Variants in FGF10 observed in about 807,000 individuals in gnomAD.
FGF10 encodes the protein fibroblast growth factor 10, also known as FGF-10.
A neutral mutation model predicts 19.8 loss-of-function variants in FGF10; 2 were observed. The ratio of observed to expected loss-of-function variants is 0.10; its 90% CI spans 0.04 to 0.32. The LOEUF (loss-of-function observed/expected upper bound fraction) is 0.32. Among genes scored for constraint, FGF10 ranks in the 10% least tolerant of loss-of-function variants. FGF10 has a pLI of 1.00. For missense variants in FGF10, 191 were observed against 246.3 expected, an observed-to-expected ratio of 0.78 and a Z score of 1.50; for synonymous variants, 112 against 94.0, an observed-to-expected ratio of 1.19 and a Z score of -1.10.
At chr5:44,319,830 G>A (rs1740440780) in intron 1 of FGF10, among the ~76,000 whole-genome samples, 1 of 152,144 alleles carries the variant, frequency 6.6e-6, no homozygotes, top group Non-Finnish European at 1.5e-5. Context: ...ATATATTTAT[G>A]TAACTCAGGG....
chr5:44,362,466 A>G (rs542657765), intron 1 of FGF10, among the ~76,000 whole-genome samples: 1 of 151,694 alleles, frequency 6.6e-6, no homozygotes, highest in African/African-American at 2.4e-5. Context: ...TAACTAGGAC[A>G]TAGGGAGAAC....
chr5:44,343,298 C>A (rs1741011862), intron 1 of FGF10, among the ~76,000 whole-genome samples: 2 of 151,966 alleles, frequency 1.3e-5, no homozygotes, highest in Non-Finnish European at 2.9e-5. Context: ...TCTTGGATCC[C>A]TTAAGTCTAA....
At chr5:44,321,742 G>T (rs939206951) in intron 1 of FGF10, among the ~76,000 whole-genome samples, 32 of 152,140 alleles carry the variant, frequency 2.1e-4, no homozygotes, top group African/African-American at 6.8e-4. Flanking sequence ...GTTCTGTGAG[G>T]AGACAGACAG....
chr5:44,387,053 A>T (rs980782006), intron 1 of FGF10, among the ~76,000 whole-genome samples: 1 of 152,232 alleles, frequency 6.6e-6, no homozygotes, highest in Non-Finnish European at 1.5e-5. Flanking sequence ...TTTAAAGGTG[A>T]CTTGGAATTT....
chr5:44,347,727 A>G (rs1741119773), intron 1 of FGF10, among the ~76,000 whole-genome samples: 2 of 151,810 alleles, frequency 1.3e-5, no homozygotes, highest in South Asian at 4.1e-4. Context: ...CTATAGCACA[A>G]AATAAGTGCT....
chr5:44,355,225 G>A (rs984861657), intron 1 of FGF10, among the ~76,000 whole-genome samples: 2 of 151,316 alleles, frequency 1.3e-5, no homozygotes, highest in South Asian at 2.1e-4. Context: ...TTTTCAAGAT[G>A]TGTAAAATCT....
chr5:44,352,104 G>A (rs1390799326), intron 1 of FGF10, among the ~76,000 whole-genome samples: 1 of 151,530 alleles, frequency 6.6e-6, no homozygotes, highest in African/African-American at 2.4e-5. Context: ...CATGAAAGAG[G>A]AGCACATTTG....
chr5:44,328,106 T>A (rs1163422338), intron 1 of FGF10, among the ~76,000 whole-genome samples: 1 of 152,202 alleles, frequency 6.6e-6, no homozygotes, highest in Non-Finnish European at 1.5e-5. Context: ...CTTTCACCTT[T>A]ATGTAACCCC....
At chr5:44,344,225 T>C (rs540701271) in intron 1 of FGF10, among the ~76,000 whole-genome samples, 80 of 152,086 alleles carry the variant, frequency 5.3e-4, no homozygotes, top group African/African-American at 1.8e-3. Flanking sequence ...TGAGGCAAGC[T>C]GCTAGTCCAG....
intron 1 of FGF10, among the ~76,000 whole-genome samples, chr5:44,364,109 A>C (rs911333264): frequency 6.6e-6 from 1 of 151,928 alleles, no homozygotes; most frequent in African/African-American, 2.4e-5. Context: ...CATCTGAGTT[A>C]CATTTTCTTC....
At chr5:44,324,250 A>G (rs559961844) in intron 1 of FGF10, among the ~76,000 whole-genome samples, 1 of 152,120 alleles carries the variant, frequency 6.6e-6, no homozygotes, top group Non-Finnish European at 1.5e-5. Flanking sequence ...AAAAAAGAAA[A>G]TTATTGAACT....
At position 44,301,003 on chromosome 5, in the gene FGF10, G is replaced by C. The variant is rs1360358295; in HGVS notation, c.*3992C>G. 6.6e-6 allele frequency among the ~76,000 whole-genome samples: 1 copy of C among 151,996 alleles called. No homozygotes were observed. The highest frequency in any genetic ancestry group is 2.4e-5 in the African/African-American group (1 of 41,402). On this transcript the variant is annotated 3_prime_UTR_variant, in exon 3 of 3. Coordinates refer to ENST00000264664, the MANE Select transcript of FGF10 (RefSeq NM_004465.2). ...GGCCTAACCAAATAAAACCAATGAAGGGTAACAGAAAATGAATGTCTGAGA... is the reference window on the plus strand; with the variant it reads ...GGCCTAACCAAATAAAACCAATGAACGGTAACAGAAAATGAATGTCTGAGA...
intron 1 of FGF10, among the ~76,000 whole-genome samples, chr5:44,384,293 T>C (rs1440717668): frequency 6.6e-6 from 1 of 152,156 alleles, no homozygotes; most frequent in African/African-American, 2.4e-5. Context: ...GATTGATGTA[T>C]GTGTATTTTG....
At chr5:44,378,601 T>G (rs1051494947) in intron 1 of FGF10, among the ~76,000 whole-genome samples, 1 of 152,082 alleles carries the variant, frequency 6.6e-6, no homozygotes, top group Non-Finnish European at 1.5e-5. Flanking sequence ...CCGGCTAATT[T>G]TTTGTATTTT....
chr5:44,388,909 TC>T lies in FGF10; in HGVS notation c.-228del. The stretch of plus-strand genomic sequence containing the variant: ...ATCCGCTGCCTACGCCTCTGGAGCC[TC>T]CCGGTAAATGGTGGACGTGGGTGGC... On this transcript the variant is annotated 5_prime_UTR_variant, in exon 1 of 3. Transcript: ENST00000264664. 1 of 597,056 alleles carries T rather than the reference TC, an allele frequency of 1.7e-6. No individual in the cohort carries two copies. The highest frequency in any genetic ancestry group is 3.0e-6 in the Non-Finnish European group (1 of 331,536). 37.0% of individuals were successfully genotyped at this position (597,056 alleles called of 1,614,324 possible). A position where few individuals can be genotyped will look rare whatever the true frequency, so the allele number is the denominator to read the frequency against.
chr5:44,334,993 T>C (rs932992580), intron 1 of FGF10, among the ~76,000 whole-genome samples: 5 of 152,138 alleles, frequency 3.3e-5, no homozygotes, highest in African/African-American at 1.2e-4. Context: ...TGTTAGGATT[T>C]TAAAAAGATA....
intron 1 of FGF10, among the ~76,000 whole-genome samples, chr5:44,369,653 C>T (rs528776077): frequency 2.0e-5 from 3 of 152,192 alleles, no homozygotes; most frequent in South Asian, 4.2e-4. Flanking sequence ...TTAGCACACA[C>T]GCACTCAGAC....
chr5:44,317,387 C>T (rs1446416768), intron 1 of FGF10, among the ~76,000 whole-genome samples: 3 of 152,156 alleles, frequency 2.0e-5, no homozygotes, highest in Non-Finnish European at 4.4e-5. Context: ...AGGATAAATA[C>T]AGTGCCTAGC....
intron 1 of FGF10, among the ~76,000 whole-genome samples, chr5:44,348,430 G>A (rs1741135046): frequency 6.6e-6 from 1 of 151,420 alleles, no homozygotes; most frequent in Non-Finnish European, 1.5e-5. Context: ...ACAGAAGAAA[G>A]GGCACTTAAC....
Sources: gnomAD v4.1 joint callset for allele counts (sites outside exome capture counted in the v4.1 genomes callset) on GRCh38, gnomAD v4.1.1 for gene constraint, MANE v1.5 for transcripts, NCBI Gene and HGNC (gene_info 2026-07-23, HGNC 2026-07-21) for gene names.